SPAM1: variants seen among roughly 807,000 people sequenced by gnomAD.
SPAM1 encodes the protein hyaluronidase PH-20.
A neutral mutation model predicts 29.6 loss-of-function variants in SPAM1; 22 were observed. That is an observed-to-expected ratio of 0.74 (90% confidence interval 0.53 to 1.06). The LOEUF is 1.06. SPAM1 is among the 50% of genes least tolerant of loss of function. The probability of loss-of-function intolerance (pLI) is 0.00; values close to 1 mark genes in which losing one functional copy is unlikely to be tolerated. For synonymous variants in SPAM1, 194 were observed against 204.6 expected (o/e 0.95, Z 0.44); for missense variants, 534 against 604.0 (o/e 0.88, Z 1.21).
At chr7:123,956,395 G>A (rs1792249114) in intron 4 of SPAM1, among the ~76,000 whole-genome samples, 1 of 151,890 alleles carries the variant, frequency 6.6e-6, no homozygotes, top group African/African-American at 2.4e-5. Context: ...TGGATTACAT[G>A]TTATGTTTTC....
chr7:123,963,129 G>T (rs890240088), downstream of SPAM1, among the ~76,000 whole-genome samples: 2 of 151,798 alleles, frequency 1.3e-5, no homozygotes, highest in African/African-American at 2.4e-5. Context: ...TTGCTGATGT[G>T]AAGGGTATAT....
At chr7:123,960,444 A>G (rs1488202635), downstream of SPAM1, among the ~76,000 whole-genome samples, 1 of 151,936 alleles carries the variant, frequency 6.6e-6, no homozygotes, top group East Asian at 1.9e-4. Context: ...GGAGAAGGAA[A>G]AAGTTTGGGT....
intron 2 of SPAM1, among the ~76,000 whole-genome samples, chr7:123,950,991 G>T (rs2117054616): frequency 6.6e-6 from 1 of 152,174 alleles, no homozygotes; most frequent in East Asian, 1.9e-4. Flanking sequence ...GTTTAGACTT[G>T]CATTTCTCTG....
chr7:123,932,548 A>G (rs1411573445), intron 1 of SPAM1: 1 of 152,608 alleles, frequency 6.6e-6, no homozygotes, highest in African/African-American at 2.4e-5. Context: ...AAAGTGTACA[A>G]GACCCTAATC....
chr7:123,934,990 T>C (rs1808208652), intron 1 of SPAM1, among the ~76,000 whole-genome samples: 1 of 152,180 alleles, frequency 6.6e-6, no homozygotes, highest in Non-Finnish European at 1.5e-5. Context: ...AGCTAGAAGA[T>C]TTTGATTGTT....
intron 6 of SPAM1, among the ~76,000 whole-genome samples, chr7:123,970,841 C>T (rs12706566): frequency 0.2 from 30,018 of 151,792 alleles, 3,671 homozygotes; most frequent in African/African-American, 0.35. Context: ...TTTTGTTCTA[C>T]GTCCTCCCAG....
chr7:123,927,935 A>G (rs569770444), intron 1 of SPAM1, among the ~76,000 whole-genome samples: 17 of 152,330 alleles, frequency 1.1e-4, no homozygotes, highest in African/African-American at 3.4e-4. Flanking sequence ...GTTAATTACT[A>G]TAAACCAGAC....
downstream of SPAM1, among the ~76,000 whole-genome samples, chr7:123,962,252 C>T (rs371281555): frequency 6.6e-6 from 1 of 151,794 alleles, no homozygotes. Context: ...TTTTGATTTG[C>T]GTTTCCCTGA....
chr7:123,925,390 A>G (rs1051511295), intron 1 of SPAM1, 38 bp downstream of exon 1: 3 of 152,152 alleles, frequency 2.0e-5, no homozygotes, highest in African/African-American at 7.2e-5. Context: ...CTTGATGTAT[A>G]CCTGATCTCC....
intron 1 of SPAM1, among the ~76,000 whole-genome samples, chr7:123,933,631 A>G (rs1808157988): frequency 1.3e-5 from 2 of 152,208 alleles, no homozygotes; most frequent in African/African-American, 4.8e-5. Context: ...CAGTCTTCAT[A>G]AGAATGTTCT....
chr7:123,963,407 T>A (rs1792385225), downstream of SPAM1, among the ~76,000 whole-genome samples: 1 of 151,848 alleles, frequency 6.6e-6, no homozygotes, highest in African/African-American at 2.4e-5. Flanking sequence ...TTTAGTAGAC[T>A]GTTGCCATTT....
At chr7:123,963,027 A>G (rs1033868397), downstream of SPAM1, among the ~76,000 whole-genome samples, 1 of 151,864 alleles carries the variant, frequency 6.6e-6, no homozygotes, top group African/African-American at 2.4e-5. Flanking sequence ...GTGAATATTT[A>G]TTTTATGGAA....
intron 1 of SPAM1, among the ~76,000 whole-genome samples, chr7:123,941,884 A>G (rs750046349): frequency 9.2e-5 from 14 of 152,204 alleles, no homozygotes; most frequent in Non-Finnish European, 1.6e-4. Flanking sequence ...ATTCCTAGAC[A>G]GGTAGGTCCC....
At chr7:123,930,890 G>C (rs12706558) in intron 1 of SPAM1, among the ~76,000 whole-genome samples, 21,377 of 152,132 alleles carry the variant, frequency 0.14, 1,813 homozygotes, top group Non-Finnish European at 0.19. Context: ...TCGATCCCCT[G>C]TATGGCCTAT....
chr7:123,968,027 C>T (rs1343711851), intron 5 of SPAM1, among the ~76,000 whole-genome samples: 1 of 151,898 alleles, frequency 6.6e-6, no homozygotes, highest in Non-Finnish European at 1.5e-5. Context: ...AGCAAGGAAC[C>T]TAATTTTTTG....
chr7:123,957,477 A>G (rs930117006), intron 4 of SPAM1, among the ~76,000 whole-genome samples: 2 of 152,072 alleles, frequency 1.3e-5, no homozygotes, highest in Non-Finnish European at 1.5e-5. Context: ...CACTGTGCAC[A>G]AGTCAAGAGA....
At chr7:123,956,644 TA>T (rs1389244769) in intron 4 of SPAM1, among the ~76,000 whole-genome samples, 4 of 152,096 alleles carry the variant, frequency 2.6e-5, no homozygotes, top group African/African-American at 7.2e-5. Flanking sequence ...AAACTTACAA[TA>T]AAAAATTATG....
chr7:123,938,461 G>GA (rs1808325391), intron 1 of SPAM1, among the ~76,000 whole-genome samples: 3 of 152,144 alleles, frequency 2.0e-5, no homozygotes, highest in Admixed American at 6.5e-5. Flanking sequence ...TAGATAAGAG[G>GA]AAACATACTT....
intron 2 of SPAM1, among the ~76,000 whole-genome samples, chr7:123,952,366 AG>A (rs1792124603): frequency 6.6e-6 from 1 of 152,158 alleles, no homozygotes; most frequent in Admixed American, 6.6e-5. Flanking sequence ...TGGGAAGAAT[AG>A]TATAATTCTT....
Sources: allele counts gnomAD v4.1 joint callset (sites outside exome capture counted in the v4.1 genomes callset), GRCh38; gene constraint gnomAD v4.1.1; transcripts MANE v1.5; gene names NCBI Gene and HGNC (gene_info 2026-07-23, HGNC 2026-07-21).